The following ASIC2 variants were observed in gnomAD, a reference collection of about 807,000 sequenced individuals.
ASIC2 encodes the protein acid sensing ion channel subunit 2, also known as acid-sensing ion channel 2.
In ASIC2, 25 loss-of-function variants were observed where a neutral mutation model predicts 57.3. The ratio of observed to expected loss-of-function variants is 0.44; its 90% CI spans 0.32 to 0.61. The LOEUF is 0.61. ASIC2 is among the 20% of genes least tolerant of loss of function. The pLI, the probability that ASIC2 is intolerant of heterozygous loss-of-function variation, is 0.06. For synonymous variants in ASIC2, 319 were observed against 307.5 expected, an observed-to-expected ratio of 1.04 and a Z score of -0.39; for missense variants, 641 against 738.1, an observed-to-expected ratio of 0.87 and a Z score of 1.52.
intron 1 of ASIC2, chr17:33,827,846 G>A (rs1271363630): frequency 6.6e-6 from 1 of 152,034 alleles, no homozygotes; most frequent in Non-Finnish European, 1.5e-5. Flanking sequence ...GTGTACATTA[G>A]GTATTTGTCC....
chr17:33,655,523 C>A (rs765777780), intron 1 of ASIC2, among the ~76,000 whole-genome samples: 2 of 152,234 alleles, frequency 1.3e-5, no homozygotes, highest in Non-Finnish European at 2.9e-5. Flanking sequence ...ACACTGCAAT[C>A]TCTGATTTGC....
intron 1 of ASIC2, among the ~76,000 whole-genome samples, chr17:34,019,372 C>T (rs1907076969): frequency 6.6e-6 from 1 of 152,174 alleles, no homozygotes; most frequent in Non-Finnish European, 1.5e-5. Flanking sequence ...TGCAGTCAAA[C>T]AGCATCGCAT....
chr17:33,123,382 A>G (rs961431938), intron 1 of ASIC2, among the ~76,000 whole-genome samples: 9 of 152,236 alleles, frequency 5.9e-5, no homozygotes, highest in Non-Finnish European at 1.5e-5. Flanking sequence ...ATGCTAAGTG[A>G]AATACGCCAG....
At chr17:33,599,514 G>A (rs1567665278) in intron 1 of ASIC2, among the ~76,000 whole-genome samples, 1 of 152,242 alleles carries the variant, frequency 6.6e-6, no homozygotes, top group Non-Finnish European at 1.5e-5. Context: ...CAGAACTACC[G>A]GGGCTGAGTG....
chr17:33,496,376 G>A (rs1299343684), intron 1 of ASIC2, among the ~76,000 whole-genome samples: 2 of 152,096 alleles, frequency 1.3e-5, no homozygotes, highest in African/African-American at 2.4e-5. Flanking sequence ...TCCCACTGCG[G>A]TTGTCTTCCT....
At chr17:33,398,519 G>T (rs543102423) in intron 1 of ASIC2, among the ~76,000 whole-genome samples, 1 of 152,234 alleles carries the variant, frequency 6.6e-6, no homozygotes, top group East Asian at 1.9e-4. Context: ...ATGTGGTGAT[G>T]GTAGTGATGG....
intron 1 of ASIC2, among the ~76,000 whole-genome samples, chr17:34,139,173 C>G (rs1046973170): frequency 6.6e-6 from 1 of 152,144 alleles, no homozygotes; most frequent in African/African-American, 2.4e-5. Flanking sequence ...ATGGAGCTAC[C>G]TAGCAGTTAT....
intron 1 of ASIC2, among the ~76,000 whole-genome samples, chr17:33,485,415 G>A (rs1913545509): frequency 6.6e-6 from 1 of 152,216 alleles, no homozygotes; most frequent in Non-Finnish European, 1.5e-5. Context: ...TCAGAGCAGT[G>A]AAGCTCCCAC....
At chr17:33,849,290 G>T (rs1165589955) in intron 1 of ASIC2, among the ~76,000 whole-genome samples, 1 of 152,302 alleles carries the variant, frequency 6.6e-6, no homozygotes, top group East Asian at 1.9e-4. Flanking sequence ...TGAAGGACTT[G>T]CTGTCCGCTA....
At chr17:33,298,102 C>A (rs1014887112), upstream of ASIC2, among the ~76,000 whole-genome samples, 1 of 150,750 alleles carries the variant, frequency 6.6e-6, no homozygotes, top group African/African-American at 2.4e-5. Context: ...TCTCTGATAC[C>A]TTTTTATTAT....
chr17:33,471,598 G>C (rs191842326), intron 1 of ASIC2, among the ~76,000 whole-genome samples: 112 of 152,226 alleles, frequency 7.4e-4, no homozygotes, highest in Non-Finnish European at 6.5e-4. Flanking sequence ...CAGTGCAGAG[G>C]GGGGAGTAAT....
chr17:33,976,648 G>C (rs1905398574), intron 1 of ASIC2: 1 of 152,156 alleles, frequency 6.6e-6, no homozygotes, highest in South Asian at 2.1e-4. Flanking sequence ...AAACAGATGA[G>C]CAAACAGAGG....
intron 1 of ASIC2, among the ~76,000 whole-genome samples, chr17:33,491,707 C>T (rs1054046480): frequency 2.6e-5 from 4 of 152,124 alleles, no homozygotes; most frequent in Non-Finnish European, 1.5e-5. Flanking sequence ...TCTTAGTGAC[C>T]GATGAACAAG....
intron 1 of ASIC2, among the ~76,000 whole-genome samples, chr17:33,239,356 C>A (rs1262974579): frequency 6.6e-6 from 1 of 152,184 alleles, no homozygotes; most frequent in Admixed American, 6.5e-5. Flanking sequence ...ATTGTAATCC[C>A]CCGGCCCCAG....
chr17:33,625,785 G>T (rs1156869926), intron 1 of ASIC2, among the ~76,000 whole-genome samples: 1 of 151,412 alleles, frequency 6.6e-6, no homozygotes, highest in Non-Finnish European at 1.5e-5. Flanking sequence ...CTCATGGCCA[G>T]CTGGAGAGAG....
At chr17:34,041,504 TC>T (rs1300316913) in intron 1 of ASIC2, 4 of 152,152 alleles carry the variant, frequency 2.6e-5, no homozygotes, top group Non-Finnish European at 4.4e-5. Context: ...AAACTCCACC[TC>T]CCCTTATTAT....
At chr17:34,016,202 A>T (rs1259086383) in intron 1 of ASIC2, among the ~76,000 whole-genome samples, 1 of 152,118 alleles carries the variant, frequency 6.6e-6, no homozygotes, top group Non-Finnish European at 1.5e-5. Context: ...AGGCAGGTGG[A>T]TCACCAGGTC....
intron 1 of ASIC2, among the ~76,000 whole-genome samples, chr17:34,102,001 C>T (rs1390572300): frequency 6.6e-6 from 1 of 152,104 alleles, no homozygotes; most frequent in East Asian, 1.9e-4. Context: ...TAAACAATAA[C>T]TGTATGCTTA....
chr17:33,727,769 G>T (rs558014899), intron 1 of ASIC2, among the ~76,000 whole-genome samples: 2 of 152,288 alleles, frequency 1.3e-5, no homozygotes, highest in East Asian at 3.9e-4. Context: ...ATAAATTACC[G>T]AGTGTCAGGT....
Sources: allele counts gnomAD v4.1 joint callset (sites outside exome capture counted in the v4.1 genomes callset), GRCh38; gene constraint gnomAD v4.1.1; transcripts MANE v1.5; gene names NCBI Gene and HGNC (gene_info 2026-07-23, HGNC 2026-07-21).